SGCZ: variants seen among roughly 807,000 people sequenced by gnomAD.
The protein encoded by SGCZ is zeta-sarcoglycan.
In SGCZ, 40 loss-of-function variants were observed where a neutral mutation model predicts 41.3. The ratio of observed to expected loss-of-function variants is 0.97; its 90% CI spans 0.75 to 1.26. The LOEUF is 1.26. Ranked by LOEUF, SGCZ falls within the 50% of genes most tolerant of loss-of-function variation. The probability of loss-of-function intolerance (pLI) is 0.00; values close to 1 mark genes in which losing one functional copy is unlikely to be tolerated. For missense variants in SGCZ, 552 were observed against 369.8 expected (o/e 1.49, Z -4.04); for synonymous variants, 206 against 137.5 (o/e 1.50, Z -3.49).
At chr8:14,647,262 T>C (rs80165950) in intron 1 of SGCZ, among the ~76,000 whole-genome samples, 16,752 of 152,046 alleles carry the variant, frequency 0.11, 1,092 homozygotes, top group African/African-American at 0.19. Flanking sequence ...CCTTCTGTTA[T>C]AGGATATGCA....
chr8:14,555,876 G>A (rs1009731708), intron 1 of SGCZ, among the ~76,000 whole-genome samples: 4 of 152,002 alleles, frequency 2.6e-5, no homozygotes, highest in Admixed American at 2.6e-4. Context: ...TCAGAATTAT[G>A]TTGGTTATTT....
chr8:14,875,445 G>C (rs147031034), intron 1 of SGCZ, among the ~76,000 whole-genome samples: 1 of 152,262 alleles, frequency 6.6e-6, no homozygotes, highest in East Asian at 1.9e-4. Flanking sequence ...CAATGGGAGG[G>C]AGACTATTTA....
At chr8:15,232,460 T>G (rs1801973993) in intron 1 of SGCZ, among the ~76,000 whole-genome samples, 1 of 152,020 alleles carries the variant, frequency 6.6e-6, no homozygotes, top group Non-Finnish European at 1.5e-5. Flanking sequence ...AAAATAGTCA[T>G]TTGTCCAACT....
intron 3 of SGCZ, among the ~76,000 whole-genome samples, chr8:14,288,820 AT>A (rs1202404115): frequency 6.6e-6 from 1 of 152,048 alleles, no homozygotes. Context: ...GATAAGCCAT[AT>A]TTTACTTCTT....
chr8:14,538,197 T>C (rs2075330561), intron 2 of SGCZ, among the ~76,000 whole-genome samples: 1 of 152,010 alleles, frequency 6.6e-6, no homozygotes, highest in South Asian at 2.1e-4. Flanking sequence ...TACATTTGTA[T>C]TTGCTATTTT....
intron 1 of SGCZ, among the ~76,000 whole-genome samples, chr8:14,646,462 C>T (rs1400486586): frequency 2.6e-5 from 4 of 151,810 alleles, no homozygotes; most frequent in African/African-American, 9.7e-5. Flanking sequence ...TTGATGGGCA[C>T]TTAGGCACTT....
At chr8:14,298,489 T>A (rs1293343753) in intron 3 of SGCZ, among the ~76,000 whole-genome samples, 1 of 151,998 alleles carries the variant, frequency 6.6e-6, no homozygotes, top group Non-Finnish European at 1.5e-5. Flanking sequence ...AACTTAACAG[T>A]GCTATAAAAT....
chr8:14,816,482 T>C (rs897239270), intron 1 of SGCZ, among the ~76,000 whole-genome samples: 10 of 152,370 alleles, frequency 6.6e-5, no homozygotes, highest in African/African-American at 2.4e-4. Flanking sequence ...TGTGTAGGTA[T>C]ATAACTGTGA....
chr8:15,094,351 T>A (rs1269912122), intron 1 of SGCZ, among the ~76,000 whole-genome samples: 2 of 152,126 alleles, frequency 1.3e-5, no homozygotes, highest in African/African-American at 4.8e-5. Flanking sequence ...GCCAGGCTGA[T>A]CTCGGACTCC....
chr8:14,606,256 A>C (rs541836127), intron 1 of SGCZ, among the ~76,000 whole-genome samples: 3 of 152,262 alleles, frequency 2.0e-5, no homozygotes, highest in Admixed American at 2.0e-4. Flanking sequence ...TTTAACATAC[A>C]TGTATATATG....
At chr8:14,890,981 C>T (rs187492126) in intron 1 of SGCZ, among the ~76,000 whole-genome samples, 3 of 152,274 alleles carry the variant, frequency 2.0e-5, no homozygotes, top group African/African-American at 4.8e-5. Context: ...ATAGTTTAAG[C>T]CCTCTATTGA....
intron 3 of SGCZ, among the ~76,000 whole-genome samples, chr8:14,240,637 A>C (rs2117177579): frequency 6.6e-6 from 1 of 152,338 alleles, no homozygotes; most frequent in African/African-American, 2.4e-5. Flanking sequence ...ACATCAATAT[A>C]GTATTAAGCT....
chr8:14,669,497 T>G (rs1174252766), intron 1 of SGCZ, among the ~76,000 whole-genome samples: 4 of 152,114 alleles, frequency 2.6e-5, no homozygotes, highest in Non-Finnish European at 5.9e-5. Context: ...CCTCCATCCA[T>G]AGGTAACCAC....
intron 1 of SGCZ, among the ~76,000 whole-genome samples, chr8:14,617,002 G>A (rs907404517): frequency 2.6e-5 from 4 of 151,886 alleles, no homozygotes; most frequent in African/African-American, 9.7e-5. Flanking sequence ...ATAATTTGAT[G>A]TATTTGTAGT....
intron 1 of SGCZ, among the ~76,000 whole-genome samples, chr8:14,807,590 C>G (rs947818564): frequency 6.6e-6 from 1 of 151,688 alleles, no homozygotes; most frequent in African/African-American, 2.4e-5. Flanking sequence ...AGGATACAAA[C>G]AAATGGAAGA....
intron 1 of SGCZ, among the ~76,000 whole-genome samples, chr8:14,946,827 C>G (rs1202394438): frequency 1.3e-5 from 2 of 151,924 alleles, no homozygotes; most frequent in African/African-American, 2.4e-5. Context: ...AGGCACCCAC[C>G]ACCACGCCCA....
intron 4 of SGCZ, among the ~76,000 whole-genome samples, chr8:14,226,061 T>C (rs899955496): frequency 6.6e-6 from 1 of 151,970 alleles, no homozygotes; most frequent in Non-Finnish European, 1.5e-5. Flanking sequence ...CCACACTTAT[T>C]TGGGGGGCTA....
intron 7 of SGCZ, among the ~76,000 whole-genome samples, chr8:14,093,775 AG>A (rs1193821419): frequency 6.6e-6 from 1 of 152,148 alleles, no homozygotes; most frequent in Non-Finnish European, 1.5e-5. Flanking sequence ...AATTCTCCAA[AG>A]GTCACCTCCT....
intron 1 of SGCZ, among the ~76,000 whole-genome samples, chr8:15,119,335 A>G (rs1317492529): frequency 6.6e-6 from 1 of 152,012 alleles, no homozygotes; most frequent in African/African-American, 2.4e-5. Context: ...ATTTGAGGCC[A>G]TCCTAGACAA....
Sources: gnomAD v4.1 joint callset for allele counts (sites outside exome capture counted in the v4.1 genomes callset) on GRCh38, gnomAD v4.1.1 for gene constraint, MANE v1.5 for transcripts, NCBI Gene and HGNC (gene_info 2026-07-23, HGNC 2026-07-21) for gene names.